CENPO: variants seen among roughly 807,000 people sequenced by gnomAD.
CENPO encodes centromere protein O, also known as centromeric protein O.
CENPO carries 30 observed loss-of-function variants against 36.1 expected under a neutral mutation model. The ratio of observed to expected loss-of-function variants is 0.83; its 90% CI spans 0.62 to 1.13. CENPO has a LOEUF of 1.13. CENPO is among the 50% of genes most tolerant of loss of function. The pLI, the probability that CENPO is intolerant of heterozygous loss-of-function variation, is 0.00. For missense variants in CENPO, 349 were observed against 357.8 expected (o/e 0.98, Z 0.20); for synonymous variants, 171 against 142.3 (o/e 1.20, Z -1.44).
intron 3 of CENPO, among the ~76,000 whole-genome samples, chr2:24,800,339 A>G (rs931963929): frequency 3.9e-5 from 6 of 152,176 alleles, no homozygotes; most frequent in Non-Finnish European, 7.3e-5. Context: ...TAATTTTTTT[A>G]TTATACTTTA....
chr2:24,815,544 A>C lies in CENPO; in HGVS notation c.382A>C (p.Thr128Pro). ...TSRGVCVCIS[T>P]AFEGNLLDSY... Reference sequence around the variant, plus strand: ...CCGAGGAGTTTGTGTCTGCATCAGTACTGCTTTTGAGGGGAACCTATTGGA... The same window carrying C: ...CCGAGGAGTTTGTGTCTGCATCAGTCCTGCTTTTGAGGGGAACCTATTGGA... Residue 128 changes from threonine to proline, a missense_variant, in exon 5 of 8, where the codon ACT (threonine) becomes CCT (proline). By Grantham distance (38) the Thr-to-Pro change is conservative (BLOSUM62 -1). Transcript: ENST00000380834. 7 of 1,613,828 alleles carry C rather than the reference A, an allele frequency of 4.3e-6. No individual in the cohort carries two copies. Among genetic ancestry groups the C allele is most frequent in the Non-Finnish European group, 5.9e-6 (7 of 1,179,716 alleles).
intron 2 of CENPO, among the ~76,000 whole-genome samples, chr2:24,799,465 C>T (rs1443556329): frequency 6.6e-6 from 1 of 152,096 alleles, no homozygotes; most frequent in Non-Finnish European, 1.5e-5. Flanking sequence ...TCCTGTTTTA[C>T]ATCACTCTCC....
rs968244539 is a variant in CENPO at position 24,821,851 on chromosome 2, A to G, written c.*2533A>G. The G allele has an allele frequency of 3.2e-6, 2 of 627,238 alleles. No homozygotes were observed. Among genetic ancestry groups the G allele is most frequent in the South Asian group, 2.1e-5 (1 of 47,934 alleles). The allele number at this position is 627,238 out of a possible 1,614,324, so 38.9% of individuals were successfully genotyped here. On this transcript the variant is annotated 3_prime_UTR_variant, in exon 8 of 8. Transcript: ENST00000380834. The stretch of plus-strand genomic sequence containing the variant: ...AGCAGGTCTAGGCAAAGACTGGGCA[A>G]TTGAGCAGAGGAGACGGACCTGTGA...
At position 24,819,875 on chromosome 2, in the gene CENPO, C is replaced by CACACATCCACGAACAAATGAAGGCTGAGG. The variant is rs1553329497; in HGVS notation, c.*558_*559insCACATCCACGAACAAATGAAGGCTGAGGA. The CACACATCCACGAACAAATGAAGGCTGAGG allele has an allele frequency of 6.4e-7, 1 of 1,568,544 alleles. No individual in the cohort carries two copies. ...AATCCAGGAAGGTCGGGACTTCCTT[C>CACACATCCACGAACAAATGAAGGCTGAGG]AGTTTCAAAAAATAAATTCTCCCTT... On this transcript the variant is annotated 3_prime_UTR_variant, in exon 8 of 8. Transcript: ENST00000380834.
rs1363227350 is a variant in CENPO, at chr2:24,820,660, G to A, written c.*1342G>A. Reference sequence around the variant, plus strand: ...GTGGGAGGCAGGGGCACGTGGGAAAGCACTGTTCCGGTTTTGTTCTCATGC... The same window carrying A: ...GTGGGAGGCAGGGGCACGTGGGAAAACACTGTTCCGGTTTTGTTCTCATGC... On this transcript the variant is annotated 3_prime_UTR_variant, in exon 8 of 8. Coordinates refer to ENST00000380834, the MANE Select transcript of CENPO (RefSeq NM_001322101.2). 1 of 1,602,942 alleles carries A rather than the reference G, an allele frequency of 6.2e-7. No homozygotes were observed. Among genetic ancestry groups the A allele is most frequent in the Non-Finnish European group, 8.5e-7 (1 of 1,173,122 alleles).
chr2:24,808,750 TTGC>T (rs1376184841), intron 3 of CENPO, among the ~76,000 whole-genome samples: 2 of 152,192 alleles, frequency 1.3e-5, no homozygotes, highest in Non-Finnish European at 2.9e-5. Flanking sequence ...TAAATCTGAC[TTGC>T]TGATATTAGT....
chr2:24,808,626 CCCTTA>C (rs1303450091), intron 3 of CENPO, among the ~76,000 whole-genome samples: 3 of 152,048 alleles, frequency 2.0e-5, no homozygotes, highest in Admixed American at 1.3e-4. Flanking sequence ...TATGTTTTCT[CCCTTA>C]TTTTATTAAT....
rs750497004 is a variant in CENPO, at chr2:24,799,748, C to T, written c.120C>T (p.Ser40=). 31 of 1,613,938 alleles carry T rather than the reference C, an allele frequency of 1.9e-5. No individual in the cohort carries two copies. Among genetic ancestry groups the T allele is most frequent in the Admixed American group, 1.0e-4 (6 of 59,996 alleles). ...RSRKQSEELQ[S]VQAQEGALGT... Reference sequence around the variant, plus strand: ...GTAAACAGTCTGAAGAGCTGCAGAGCGTGCAGGCCCAGGAAGGTGCTCTTG... The same window carrying T: ...GTAAACAGTCTGAAGAGCTGCAGAGTGTGCAGGCCCAGGAAGGTGCTCTTG... Residue 40 remains serine (S), a synonymous_variant, in exon 3 of 8, where the codon AGC becomes AGT. Coordinates refer to ENST00000380834, the MANE Select transcript of CENPO (RefSeq NM_001322101.2).
chr2:24,797,204 A>T (rs1330272071), intron 2 of CENPO, among the ~76,000 whole-genome samples: 2 of 152,176 alleles, frequency 1.3e-5, no homozygotes, highest in Non-Finnish European at 2.9e-5. Context: ...CTGGTAATGG[A>T]TTGGGACTGG....
At chr2:24,799,639 C>T (rs1222559089) in intron 2 of CENPO, 36 bp from the exon 3 acceptor site, 2 of 1,543,368 alleles carry the variant, frequency 1.3e-6, no homozygotes, top group East Asian at 4.6e-5. Flanking sequence ...GAGAAATCCT[C>T]AGCTTCTTGT....
chr2:24,815,816 A>T lies in CENPO; in HGVS notation c.594+60A>T, dbSNP rs1202553116. 6.6e-6 allele frequency: 10 copies of T among 1,513,438 alleles called. No homozygotes were observed. In the South Asian group the frequency reaches 1.2e-4, roughly 18 times the overall value. 93.8% of individuals were successfully genotyped at this position (1,513,438 alleles called of 1,614,324 possible). A position where few individuals can be genotyped will look rare whatever the true frequency, so the allele number is the denominator to read the frequency against. ...GGCCCAAGATCAACTTAAAAGGGGGATGTTTTTTGTATTTTCAGTGTTTCC... is the reference window on the plus strand; with the variant it reads ...GGCCCAAGATCAACTTAAAAGGGGGTTGTTTTTTGTATTTTCAGTGTTTCC... On this transcript the variant is annotated intron_variant, in intron 5 of 7. Coordinates refer to ENST00000380834, the MANE Select transcript of CENPO (RefSeq NM_001322101.2).
chr2:24,820,226 T>C lies in CENPO; in HGVS notation c.*908T>C, dbSNP rs1391683678. The C allele has an allele frequency of 1.7e-6, 2 of 1,198,858 alleles. No individual in the cohort carries two copies. Among genetic ancestry groups the C allele is most frequent in the African/African-American group, 1.5e-5 (1 of 64,560 alleles). The allele number at this position is 1,198,858 out of a possible 1,614,324, so 74.3% of individuals were successfully genotyped here. A position where few individuals can be genotyped will look rare whatever the true frequency, so the allele number is the denominator to read the frequency against. On this transcript the variant is annotated 3_prime_UTR_variant, in exon 8 of 8. Transcript: ENST00000380834. Reference sequence around the variant, plus strand: ...GCACTGATCCATGGGTCCCAAGCAGTACGGGACACTCCCCAAACCTCCCAG... The same window carrying C: ...GCACTGATCCATGGGTCCCAAGCAGCACGGGACACTCCCCAAACCTCCCAG...
intron 4 of CENPO, among the ~76,000 whole-genome samples, chr2:24,815,014 G>C (rs1450481793): frequency 2.0e-5 from 3 of 152,120 alleles, no homozygotes; most frequent in Non-Finnish European, 4.4e-5. Flanking sequence ...GCTGAGGCAG[G>C]ATTACTTGAG....
chr2:24,821,299 A>G lies in CENPO; in HGVS notation c.*1981A>G. ...CCAAGCTTCTATTGTAACAGTAGGC[A>G]CAGTATAGTCGGATCATCACATCAG... is the stretch of plus-strand genomic sequence containing the variant. On this transcript the variant is annotated 3_prime_UTR_variant, in exon 8 of 8. Transcript: ENST00000380834. The G allele has an allele frequency of 1.7e-6, 1 of 598,800 alleles. No homozygotes were observed. Among genetic ancestry groups the G allele is most frequent in the African/African-American group, 1.9e-5 (1 of 53,788 alleles). 37.1% of individuals were successfully genotyped at this position (598,800 alleles called of 1,614,324 possible).
intron 3 of CENPO, among the ~76,000 whole-genome samples, chr2:24,800,581 G>A (rs1305187556): frequency 6.6e-6 from 1 of 150,396 alleles, no homozygotes; most frequent in East Asian, 2.0e-4. Flanking sequence ...GCGGTGTTTG[G>A]TTTTTTGTCC....
At position 24,815,870 on chromosome 2, in the gene CENPO, C is replaced by T. The variant is rs1666918716; in HGVS notation, c.594+114C>T. 5.4e-6 allele frequency: 5 copies of T among 924,678 alleles called. No homozygotes were observed. In the East Asian group the frequency reaches 1.2e-4, roughly 23 times the overall value. The allele number at this position is 924,678 out of a possible 1,614,324, so 57.3% of individuals were successfully genotyped here. On this transcript the variant is annotated intron_variant, in intron 5 of 7. Transcript: ENST00000380834. ...CTGTGAGTTAGAAGTTTGACCGTTA[C>T]CTTTCCGATGCTTGTTTCTTATTTA...
chr2:24,806,550 C>T (rs1289855411), intron 3 of CENPO, among the ~76,000 whole-genome samples: 2 of 152,292 alleles, frequency 1.3e-5, no homozygotes, highest in South Asian at 4.1e-4. Flanking sequence ...CTAATAAACA[C>T]CTAAGTTTGT....
chr2:24,798,443 C>T (rs138107914), intron 2 of CENPO, among the ~76,000 whole-genome samples: 170 of 151,938 alleles, frequency 1.1e-3, no homozygotes, highest in African/African-American at 3.9e-3. Context: ...GCATATAGTG[C>T]GTGTCTGTTT....
intron 3 of CENPO, among the ~76,000 whole-genome samples, chr2:24,804,834 G>A (rs2148266983): frequency 6.6e-6 from 1 of 152,212 alleles, no homozygotes; most frequent in East Asian, 1.9e-4. Flanking sequence ...GAGTATCTTT[G>A]TGGCGTTCTC....
Sources: gnomAD v4.1 joint callset for allele counts (sites outside exome capture counted in the v4.1 genomes callset) on GRCh38, gnomAD v4.1.1 for gene constraint, MANE v1.5 for transcripts, NCBI Gene and HGNC (gene_info 2026-07-23, HGNC 2026-07-21) for gene names.